The following GABRB1 variants were observed in gnomAD, a reference collection of about 807,000 sequenced individuals.
GABRB1 encodes the protein gamma-aminobutyric acid receptor subunit beta-1.
In GABRB1, 17 loss-of-function variants were observed where a neutral mutation model predicts 51.6. That is an observed-to-expected ratio of 0.33 (90% CI 0.23 to 0.49). GABRB1 has a LOEUF of 0.49. Among genes scored for constraint, GABRB1 ranks in the 20% least tolerant of loss-of-function variants. The pLI is 0.99. For synonymous variants in GABRB1, 247 were observed against 218.9 expected (o/e 1.13, Z -1.14); for missense variants, 410 against 600.6 (o/e 0.68, Z 3.32).
chr4:47,130,697 T>C (rs911354119), intron 3 of GABRB1, among the ~76,000 whole-genome samples: 7 of 152,194 alleles, frequency 4.6e-5, no homozygotes, highest in African/African-American at 1.7e-4. Flanking sequence ...ATTAGTCATG[T>C]CTGTTCCTGC....
intron 3 of GABRB1, among the ~76,000 whole-genome samples, chr4:47,071,214 G>T (rs548099787): frequency 1.3e-5 from 2 of 152,098 alleles, no homozygotes; most frequent in Non-Finnish European, 2.9e-5. Context: ...TATTGCTATT[G>T]TCTAAATTCT....
chr4:47,057,601 G>A (rs1036890985), intron 3 of GABRB1, among the ~76,000 whole-genome samples: 3 of 152,184 alleles, frequency 2.0e-5, no homozygotes, highest in Non-Finnish European at 4.4e-5. Context: ...TGAACAGTAA[G>A]CTTAGTTATT....
chr4:47,139,150 C>A (rs568484709), intron 3 of GABRB1, among the ~76,000 whole-genome samples: 18 of 152,126 alleles, frequency 1.2e-4, no homozygotes, highest in African/African-American at 3.4e-4. Context: ...ACTCTCCCAA[C>A]AGACTTCGAA....
At chr4:47,327,545 T>C (rs1430907970) in intron 5 of GABRB1, among the ~76,000 whole-genome samples, 3 of 152,208 alleles carry the variant, frequency 2.0e-5, no homozygotes, top group Non-Finnish European at 4.4e-5. Flanking sequence ...ACTTACACTA[T>C]GACCAAGTTT....
intron 5 of GABRB1, among the ~76,000 whole-genome samples, chr4:47,341,357 A>T (rs1725887501): frequency 6.6e-6 from 1 of 152,216 alleles, no homozygotes; most frequent in East Asian, 1.9e-4. Context: ...CTGGAAATTA[A>T]TCACAATAAT....
At chr4:47,150,377 CACAGAG>C (rs1319985275) in intron 3 of GABRB1, among the ~76,000 whole-genome samples, 19 of 149,018 alleles carry the variant, frequency 1.3e-4, no homozygotes, top group African/African-American at 3.7e-4. Context: ...CATACACACA[CACAGAG>C]AGAGAGAGAG....
chr4:47,140,928 T>C (rs1306094060), intron 3 of GABRB1, among the ~76,000 whole-genome samples: 1 of 151,920 alleles, frequency 6.6e-6, no homozygotes, highest in Non-Finnish European at 1.5e-5. Flanking sequence ...AATGATTGAA[T>C]AGAAAATATT....
rs192098838 is a variant in GABRB1, at chr4:47,426,222, C to T, written c.*204C>T. On this transcript the variant is annotated 3_prime_UTR_variant, in exon 9 of 9. Coordinates refer to ENST00000295454, the MANE Select transcript of GABRB1 (RefSeq NM_000812.4). ...AAAAAAAATTATTTTTCCAGTCTAC[C>T]GTGGTCCAGGTTATCAGCTCTTTAA... The T allele has an allele frequency of 2.8e-5, 12 of 433,220 alleles. No homozygotes were observed. In the South Asian group the frequency reaches 3.7e-4, roughly 13 times the overall value. The allele number at this position is 433,220 out of a possible 1,614,324, so 26.8% of individuals were successfully genotyped here. A position where few individuals can be genotyped will look rare whatever the true frequency, so the allele number is the denominator to read the frequency against.
At chr4:47,213,813 C>T (rs1419831537) in intron 4 of GABRB1, among the ~76,000 whole-genome samples, 1 of 149,978 alleles carries the variant, frequency 6.7e-6, no homozygotes, top group Non-Finnish European at 1.5e-5. Context: ...TGTGGTTTAA[C>T]AAAATTTCTT....
chr4:47,165,406 T>C (rs545136797), intron 4 of GABRB1, among the ~76,000 whole-genome samples: 3 of 152,072 alleles, frequency 2.0e-5, no homozygotes, highest in Non-Finnish European at 4.4e-5. Context: ...ACTGCCTCAC[T>C]ACACATTACT....
chr4:46,995,147 A>C (rs1389523751), intron 1 of GABRB1, among the ~76,000 whole-genome samples: 1 of 152,208 alleles, frequency 6.6e-6, no homozygotes, highest in Non-Finnish European at 1.5e-5. Context: ...GTTACAGTGC[A>C]TGGCACATAG....
At chr4:47,048,702 C>T (rs2109502810) in intron 3 of GABRB1, among the ~76,000 whole-genome samples, 1 of 152,162 alleles carries the variant, frequency 6.6e-6, no homozygotes, top group East Asian at 1.9e-4. Context: ...TATTTAATAT[C>T]CTTATTTCAC....
At chr4:47,110,840 G>C (rs1222328543) in intron 3 of GABRB1, among the ~76,000 whole-genome samples, 3 of 152,098 alleles carry the variant, frequency 2.0e-5, no homozygotes, top group African/African-American at 7.2e-5. Context: ...GAAAGTATGT[G>C]AGTTTCAATT....
At chr4:47,415,208 G>A (rs1728871965) in intron 8 of GABRB1, among the ~76,000 whole-genome samples, 1 of 152,146 alleles carries the variant, frequency 6.6e-6, no homozygotes, top group Admixed American at 6.5e-5. Flanking sequence ...TACTTAACTG[G>A]TTTAAGAATA....
At chr4:47,044,072 C>T (rs563260600) in intron 3 of GABRB1, among the ~76,000 whole-genome samples, 93 of 152,156 alleles carry the variant, frequency 6.1e-4, no homozygotes, top group African/African-American at 2.2e-3. Context: ...CCAAGGTGTG[C>T]TGAGACAGCG....
At chr4:47,319,124 C>T (rs4389549) in intron 4 of GABRB1, among the ~76,000 whole-genome samples, 147,569 of 152,180 alleles carry the variant, frequency 0.97, 71,649 homozygotes, top group East Asian at 1. Flanking sequence ...TGCCATAATT[C>T]ATTTTCTAAT....
chr4:47,033,215 G>A (rs1382671006), intron 3 of GABRB1, among the ~76,000 whole-genome samples: 4 of 152,180 alleles, frequency 2.6e-5, no homozygotes, highest in African/African-American at 7.2e-5. Context: ...TTTAAGGGAC[G>A]TTGGAAGGGA....
intron 4 of GABRB1, among the ~76,000 whole-genome samples, chr4:47,187,575 A>C (rs879896623): frequency 1.3e-5 from 2 of 151,826 alleles, no homozygotes; most frequent in African/African-American, 2.4e-5. Flanking sequence ...TTAGCGTGAA[A>C]TTATATGGAT....
chr4:47,293,278 A>G (rs893417144), intron 4 of GABRB1, among the ~76,000 whole-genome samples: 2 of 152,102 alleles, frequency 1.3e-5, no homozygotes, highest in African/African-American at 2.4e-5. Context: ...AGTAGCTGGG[A>G]TTACAGGCAT....
Sources: allele counts gnomAD v4.1 joint callset (sites outside exome capture counted in the v4.1 genomes callset), GRCh38; gene constraint gnomAD v4.1.1; transcripts MANE v1.5; gene names NCBI Gene and HGNC (gene_info 2026-07-23, HGNC 2026-07-21).